Variants in KHDRBS3 observed in about 807,000 individuals in gnomAD.
The protein encoded by KHDRBS3 is KH domain-containing, RNA-binding, signal transduction-associated protein 3.
KHDRBS3 carries 23 observed loss-of-function variants against 45.6 expected under a neutral mutation model. The observed-to-expected ratio is 0.50, with a 90% CI of 0.36 to 0.72. The LOEUF (loss-of-function observed/expected upper bound fraction) is 0.72, where lower values mean the gene tolerates loss of function less well. KHDRBS3 is among the 30% of genes least tolerant of loss of function. The pLI, the probability that KHDRBS3 is intolerant of heterozygous loss-of-function variation, is 0.00. For missense variants in KHDRBS3, 352 were observed against 424.8 expected, an observed-to-expected ratio of 0.83 and a Z score of 1.51; for synonymous variants, 162 against 156.5, an observed-to-expected ratio of 1.04 and a Z score of -0.26.
chr8:135,532,729 A>G (rs1366926877), intron 2 of KHDRBS3, among the ~76,000 whole-genome samples: 1 of 152,166 alleles, frequency 6.6e-6, no homozygotes. Flanking sequence ...AGTATCGGGC[A>G]CTTGAATCCT....
chr8:135,494,891 G>A (rs1823356234), intron 1 of KHDRBS3, among the ~76,000 whole-genome samples: 1 of 152,234 alleles, frequency 6.6e-6, no homozygotes, highest in African/African-American at 2.4e-5. Flanking sequence ...CATTGATTGT[G>A]AGGGTTACTG....
intron 4 of KHDRBS3, among the ~76,000 whole-genome samples, chr8:135,652,740 A>G (rs537440766): frequency 6.6e-6 from 1 of 152,290 alleles, no homozygotes; most frequent in South Asian, 2.1e-4. Context: ...CAGCTCTACT[A>G]TGGACCCTCA....
chr8:135,520,454 T>C (rs1824850860), intron 1 of KHDRBS3, among the ~76,000 whole-genome samples: 2 of 152,144 alleles, frequency 1.3e-5, no homozygotes, highest in Admixed American at 1.3e-4. Flanking sequence ...TATTTAAGAG[T>C]GAATAAATAG....
chr8:135,511,915 G>T (rs1157020582), intron 1 of KHDRBS3, among the ~76,000 whole-genome samples: 1 of 152,154 alleles, frequency 6.6e-6, no homozygotes, highest in East Asian at 1.9e-4. Flanking sequence ...AGAGTATCGA[G>T]TGTTTCTTTC....
intron 7 of KHDRBS3, among the ~76,000 whole-genome samples, chr8:135,639,566 A>G (rs1489589030): frequency 1.3e-5 from 2 of 152,136 alleles, no homozygotes; most frequent in African/African-American, 4.8e-5. Flanking sequence ...AAAAAGAAAA[A>G]TACTCTCCTT....
chr8:135,643,063 G>C (rs1047790071), intron 7 of KHDRBS3, among the ~76,000 whole-genome samples: 1 of 152,098 alleles, frequency 6.6e-6, no homozygotes, highest in African/African-American at 2.4e-5. Context: ...AAAGTGCTGA[G>C]ATTACAGGCA....
intron 1 of KHDRBS3, among the ~76,000 whole-genome samples, chr8:135,508,235 T>A (rs558546156): frequency 7.5e-4 from 115 of 152,336 alleles, no homozygotes; most frequent in African/African-American, 2.4e-3. Flanking sequence ...ATTCGTTTTT[T>A]GTTCTATTAG....
At chr8:135,496,581 G>A (rs982968146) in intron 1 of KHDRBS3, among the ~76,000 whole-genome samples, 9 of 151,828 alleles carry the variant, frequency 5.9e-5, no homozygotes, top group African/African-American at 1.9e-4. Context: ...AAAAAAGTCT[G>A]TAAATATCCA....
At chr8:135,627,777 A>T (rs867570771) in intron 7 of KHDRBS3, among the ~76,000 whole-genome samples, 2 of 152,180 alleles carry the variant, frequency 1.3e-5, no homozygotes, top group Admixed American at 1.3e-4. Flanking sequence ...CCTATCAGTT[A>T]TCTTACCTCT....
chr8:135,458,909 C>T (rs1202071333), intron 1 of KHDRBS3: 1 of 456,128 alleles, frequency 2.2e-6, no homozygotes. Context: ...CTGGCATGCA[C>T]GGTAAATTAA....
chr8:135,519,806 T>C (rs1032292369), intron 1 of KHDRBS3, among the ~76,000 whole-genome samples: 2 of 152,194 alleles, frequency 1.3e-5, no homozygotes, highest in Admixed American at 1.3e-4. Flanking sequence ...ATCATTTAGT[T>C]CGAAATGGGA....
intron 1 of KHDRBS3, among the ~76,000 whole-genome samples, chr8:135,492,518 T>C (rs967323537): frequency 2.2e-4 from 32 of 143,382 alleles, no homozygotes; most frequent in African/African-American, 6.6e-4. Flanking sequence ...TATATATACA[T>C]ATATATATAT....
At chr8:135,619,782 C>T (rs937764357) in intron 7 of KHDRBS3, among the ~76,000 whole-genome samples, 1 of 152,178 alleles carries the variant, frequency 6.6e-6, no homozygotes, top group African/African-American at 2.4e-5. Context: ...TATGTTAGTA[C>T]AGCTCCAGTG....
rs1224177091 is a variant in KHDRBS3 at position 135,521,266 on chromosome 8, A to G, written c.118A>G (p.Lys40Glu). Residue 40 changes from lysine to glutamate, a missense_variant, in exon 2 of 9, where the codon AAG becomes GAG. Physicochemically the swap from Lys to Glu is moderately conservative, Grantham distance 56. Transcript: ENST00000355849. ...EIEKFQKGEG[K>E]DEEKYIDVVI... ...AGAAAAGTTTCAAAAAGGAGAAGGCAAGGATGAAGAAAAGTACATCGATGT... is the reference window on the plus strand; with the variant it reads ...AGAAAAGTTTCAAAAAGGAGAAGGCGAGGATGAAGAAAAGTACATCGATGT... 6.8e-6 allele frequency: 11 copies of G among 1,612,780 alleles called. No individual in the cohort carries two copies. The highest frequency in any genetic ancestry group is 7.6e-6 in the Non-Finnish European group (9 of 1,178,978).
intron 6 of KHDRBS3, among the ~76,000 whole-genome samples, chr8:135,586,575 C>T (rs1296019590): frequency 6.6e-6 from 1 of 152,092 alleles, no homozygotes; most frequent in Non-Finnish European, 1.5e-5. Context: ...AAAAAATGAA[C>T]AAAGCGCTAC....
chr8:135,607,895 A>AT (rs1369859452), intron 7 of KHDRBS3, among the ~76,000 whole-genome samples: 6 of 152,198 alleles, frequency 3.9e-5, no homozygotes, highest in African/African-American at 1.4e-4. Flanking sequence ...AGATAGGGAT[A>AT]TAAAAAAAAC....
chr8:135,529,977 G>C (rs961775493), intron 2 of KHDRBS3, among the ~76,000 whole-genome samples: 1 of 151,900 alleles, frequency 6.6e-6, no homozygotes, highest in Non-Finnish European at 1.5e-5. Context: ...TGTGAAACCC[G>C]GGAGGTGGAG....
chr8:135,618,558 T>C (rs1830010744), intron 7 of KHDRBS3, among the ~76,000 whole-genome samples: 2 of 152,228 alleles, frequency 1.3e-5, no homozygotes, highest in African/African-American at 4.8e-5. Context: ...GGTTAGATTT[T>C]TACCCCAATT....
intron 1 of KHDRBS3, among the ~76,000 whole-genome samples, chr8:135,476,394 G>A (rs960332924): frequency 2.0e-5 from 3 of 151,930 alleles, no homozygotes; most frequent in Non-Finnish European, 4.4e-5. Context: ...CACCCACCTC[G>A]GCCTCCCAAA....
Sources: gnomAD v4.1 joint callset for allele counts (sites outside exome capture counted in the v4.1 genomes callset) on GRCh38, gnomAD v4.1.1 for gene constraint, MANE v1.5 for transcripts, NCBI Gene and HGNC (gene_info 2026-07-23, HGNC 2026-07-21) for gene names.